ADRA1A: variants seen among roughly 807,000 people sequenced by gnomAD.
The protein encoded by ADRA1A is adrenoceptor alpha 1A.
In ADRA1A, 31 loss-of-function variants were observed where a neutral mutation model predicts 29.6. The observed-to-expected ratio is 1.05, with a 90% CI of 0.79 to 1.41. The LOEUF (loss-of-function observed/expected upper bound fraction) is 1.41, where lower values mean the gene tolerates loss of function less well. ADRA1A is among the 40% of genes most tolerant of loss of function. ADRA1A has a pLI of 0.00. For missense variants in ADRA1A, 619 were observed against 601.1 expected, an observed-to-expected ratio of 1.03 and a Z score of -0.31; for synonymous variants, 311 against 254.3, an observed-to-expected ratio of 1.22 and a Z score of -2.12.
chr8:26,777,005 C>T (rs1806597000), intron 2 of ADRA1A, among the ~76,000 whole-genome samples: 1 of 152,160 alleles, frequency 6.6e-6, no homozygotes, highest in South Asian at 2.1e-4. Context: ...ACATTCAGGC[C>T]AGACCCAATG....
downstream of ADRA1A, chr8:26,756,308 A>T: frequency 1.7e-6 from 1 of 572,544 alleles, no homozygotes; most frequent in Non-Finnish European, 2.6e-6. Flanking sequence ...TGATGAATAC[A>T]TCTCTTAAGA....
chr8:26,867,005 G>A lies in ADRA1A; in HGVS notation c.-756C>T, dbSNP rs372206254. ...GGACCCGGCTTCGGTCCCGGGAGCT[G>A]CCTGCCTGCTCTTCTCTGGAGGCGG... On this transcript the variant is annotated 5_prime_UTR_variant, in exon 1 of 3. Transcript: ENST00000380573. 3.2e-5 allele frequency: 31 copies of A among 982,274 alleles called. No individual in the cohort carries two copies. In the African/African-American group the frequency reaches 5.2e-4, roughly 17 times the overall value. The allele number at this position is 982,274 out of a possible 1,614,324, so 60.8% of individuals were successfully genotyped here.
rs141319987 is a variant in ADRA1A at position 26,787,030 on chromosome 8, T to C, written c.884-16364A>G. ...TCCCAAGAACATGATGTGACTGTAT[T>C]ACCAACCTCATCTTACAGATGAGGA... On this transcript the variant is annotated intron_variant, in intron 2 of 2. Coordinates refer to ENST00000380573, the MANE Select transcript of ADRA1A (RefSeq NM_000680.4). This position sits in a 1 kb window ranked among gnomAD's most constrained non-coding sequence, Gnocchi z 4.2. Among the ~76,000 whole-genome samples the C allele has an allele frequency of 1.5e-3, 222 of 152,294 alleles. No homozygotes were observed. The highest frequency in any genetic ancestry group is 4.8e-3 in the African/African-American group (199 of 41,570).
Position 26,796,767 on chromosome 8 carries a change from G to C in ADRA1A, c.884-26101C>G, listed in dbSNP as rs1808220160. On this transcript the variant is annotated intron_variant, in intron 2 of 2. Transcript: ENST00000380573. This position sits in a 1 kb window ranked among gnomAD's most constrained non-coding sequence, Gnocchi z 5.0. ...GATGAAGGGACACCCCTGAAATCGG[G>C]CACAGGCACATAGATTTGATACCAT... is the stretch of plus-strand genomic sequence containing the variant. Among the ~76,000 whole-genome samples the C allele has an allele frequency of 6.6e-6, 1 of 152,108 alleles. No individual in the cohort carries two copies. The highest frequency in any genetic ancestry group is 1.5e-5 in the Non-Finnish European group (1 of 68,004).
intron 2 of ADRA1A, among the ~76,000 whole-genome samples, chr8:26,839,059 T>C (rs1811599864): frequency 6.6e-6 from 1 of 152,154 alleles, no homozygotes; most frequent in Admixed American, 6.5e-5. Context: ...AGCAAATTTG[T>C]GTATTTAAAG....
chr8:26,762,019 G>A (rs1040476526), downstream of ADRA1A, among the ~76,000 whole-genome samples: 1 of 152,148 alleles, frequency 6.6e-6, no homozygotes, highest in African/African-American at 2.4e-5. The surrounding 1 kb of genome is among the most constrained non-coding windows in gnomAD (Gnocchi z 4.0). Context: ...TACTTTATGG[G>A]ATTAATCAAG....
At chr8:26,786,907 T>C (rs1164993976) in intron 2 of ADRA1A, among the ~76,000 whole-genome samples, 1 of 152,206 alleles carries the variant, frequency 6.6e-6, no homozygotes, top group East Asian at 1.9e-4. Flanking sequence ...ATTGTAGTTG[T>C]TAAATAAGTA....
In ADRA1A at chr8:26,796,070, A is replaced by G. The variant is rs1808171694; in HGVS notation, c.884-25404T>C. Reference sequence around the variant, plus strand: ...AGTATTATTGTTATACATTTCAAAAAAAGAGTAATGTTTAGAAGTAAATAG... The same window carrying G: ...AGTATTATTGTTATACATTTCAAAAGAAGAGTAATGTTTAGAAGTAAATAG... On this transcript the variant is annotated intron_variant, in intron 2 of 2. Coordinates refer to ENST00000380573, the MANE Select transcript of ADRA1A (RefSeq NM_000680.4). The surrounding 1 kb of genome is among the most constrained non-coding windows in gnomAD (Gnocchi z 5.0). 6.6e-6 allele frequency among the ~76,000 whole-genome samples: 1 copy of G among 152,170 alleles called. No individual in the cohort carries two copies. Among genetic ancestry groups the G allele is most frequent in the South Asian group, 2.1e-4 (1 of 4,834 alleles).
chr8:26,831,858 G>T lies in ADRA1A; in HGVS notation c.883+32229C>A, dbSNP rs62492239. On this transcript the variant is annotated intron_variant, in intron 2 of 2. Transcript: ENST00000380573. The surrounding 1 kb of genome is among the most constrained non-coding windows in gnomAD (Gnocchi z 5.2). ...GGCTGTCAGCAGCCACCGCCCCTGC[G>T]CTGTGGGCTCCCTGCCCTGTGGAGT... Among the ~76,000 whole-genome samples, 1 of 152,192 alleles carries T rather than the reference G, an allele frequency of 6.6e-6. No individual in the cohort carries two copies. Among genetic ancestry groups the T allele is most frequent in the South Asian group, 2.1e-4 (1 of 4,836 alleles).
downstream of ADRA1A, among the ~76,000 whole-genome samples, chr8:26,764,878 C>T (rs61759721): frequency 0.019 from 2,876 of 152,214 alleles, 92 homozygotes; most frequent in African/African-American, 0.063. Context: ...TACATTTGCT[C>T]TTAGATTTTC....
At chr8:26,844,194 C>T (rs763287908) in intron 2 of ADRA1A, among the ~76,000 whole-genome samples, 5 of 152,120 alleles carry the variant, frequency 3.3e-5, no homozygotes, top group Non-Finnish European at 5.9e-5. Flanking sequence ...ATTTCTGCAA[C>T]ACAACGTGTA....
At chr8:26,776,413 T>A (rs1437952330) in intron 2 of ADRA1A, among the ~76,000 whole-genome samples, 3 of 152,218 alleles carry the variant, frequency 2.0e-5, no homozygotes, top group Non-Finnish European at 4.4e-5. Context: ...TGGGCTATGG[T>A]AAACCCTACT....
At chr8:26,795,805 A>G (rs191907604) in intron 2 of ADRA1A, among the ~76,000 whole-genome samples, 3 of 152,256 alleles carry the variant, frequency 2.0e-5, no homozygotes, top group Admixed American at 6.5e-5. Flanking sequence ...ACTGTGATGA[A>G]GTCAGCAAAA....
downstream of ADRA1A, among the ~76,000 whole-genome samples, chr8:26,752,386 T>A (rs1427624958): frequency 6.6e-6 from 1 of 152,192 alleles, no homozygotes; most frequent in Non-Finnish European, 1.5e-5. Flanking sequence ...ATGAGGTCTT[T>A]ACCTGGCCTG....
chr8:26,853,624 G>A (rs1037517038), intron 2 of ADRA1A: 1 of 152,168 alleles, frequency 6.6e-6, no homozygotes, highest in African/African-American at 2.4e-5. Context: ...GAAAGGAAAT[G>A]ATGGATTATT....
chr8:26,787,120 G>A lies in ADRA1A; in HGVS notation c.884-16454C>T, dbSNP rs997787006. Among the ~76,000 whole-genome samples, 16 of 152,058 alleles carry A rather than the reference G, an allele frequency of 1.1e-4. No homozygotes were observed. The highest frequency in any genetic ancestry group is 2.1e-4 in the South Asian group (1 of 4,814). On this transcript the variant is annotated intron_variant, in intron 2 of 2. Transcript: ENST00000380573. The surrounding 1 kb of genome is among the most constrained non-coding windows in gnomAD (Gnocchi z 4.2). ...TAGCTGAGCTCAGATTCAAATTCAGGCTTCATGCCCAAACTCATGTTTTAA... is the reference window on the plus strand; with the variant it reads ...TAGCTGAGCTCAGATTCAAATTCAGACTTCATGCCCAAACTCATGTTTTAA...
At position 26,838,393 on chromosome 8, in the gene ADRA1A, G is replaced by A. The variant is rs141976211; in HGVS notation, c.883+25694C>T. On this transcript the variant is annotated intron_variant, in intron 2 of 2. Transcript: ENST00000380573. ...GTAGAAAATCCAGACCCTTCACCCCGCTGCTCATCTGAAATAGAGGACAAT... is the reference window on the plus strand; with the variant it reads ...GTAGAAAATCCAGACCCTTCACCCCACTGCTCATCTGAAATAGAGGACAAT... Among the ~76,000 whole-genome samples, 15 of 152,194 alleles carry A rather than the reference G, an allele frequency of 9.9e-5. No homozygotes were observed. The South Asian group carries it at 1.5e-3, about 15-fold the overall frequency.
chr8:26,757,515 C>CG (rs925228826), intron 2 of ADRA1A, among the ~76,000 whole-genome samples: 17 of 150,406 alleles, frequency 1.1e-4, no homozygotes, highest in African/African-American at 3.5e-4. Flanking sequence ...TTCCATTTCC[C>CG]CCACCCCCCA....
chr8:26,757,247 A>T (rs956323556), intron 2 of ADRA1A: 1 of 673,672 alleles, frequency 1.5e-6, no homozygotes, highest in Non-Finnish European at 2.7e-6. Context: ...ACCATTTGGC[A>T]GGGAGATGGC....
Sources: allele counts gnomAD v4.1 joint callset (sites outside exome capture counted in the v4.1 genomes callset), GRCh38; gene constraint gnomAD v4.1.1; non-coding constraint Gnocchi (gnomAD v3.1); transcripts MANE v1.5; gene names NCBI Gene and HGNC (gene_info 2026-07-23, HGNC 2026-07-21).